The following DLG2 variants were observed in gnomAD, a reference collection of about 807,000 sequenced individuals.
DLG2 encodes disks large homolog 2.
Under a neutral mutation model 132.5 loss-of-function variants are expected in DLG2, and 45 were observed. That is an observed-to-expected ratio of 0.34 (90% CI 0.27 to 0.44). The LOEUF (loss-of-function observed/expected upper bound fraction) is 0.44. Ranked by LOEUF, DLG2 falls within the 20% of genes least tolerant of loss-of-function variation. The pLI, the probability that DLG2 is intolerant of heterozygous loss-of-function variation, is 1.00. For synonymous variants in DLG2, 424 were observed against 419.6 expected (o/e 1.01, Z -0.13); for missense variants, 1,045 against 1,196.9 (o/e 0.87, Z 1.87).
chr11:83,889,909 A>G (rs946987749), intron 15 of DLG2, among the ~76,000 whole-genome samples: 4 of 137,830 alleles, frequency 2.9e-5, no homozygotes, highest in African/African-American at 5.4e-5. Context: ...GAATTGAACA[A>G]TGAGAACACA....
chr11:83,658,857 A>G (rs2073477572), intron 18 of DLG2, among the ~76,000 whole-genome samples: 1 of 152,204 alleles, frequency 6.6e-6, no homozygotes, highest in Admixed American at 6.5e-5. Flanking sequence ...ACTGAATGCC[A>G]TATGTAGCAA....
intron 6 of DLG2, among the ~76,000 whole-genome samples, chr11:85,082,219 A>G (rs1373841021): frequency 6.6e-6 from 1 of 152,222 alleles, no homozygotes; most frequent in East Asian, 1.9e-4. Flanking sequence ...ACAAGAATAC[A>G]GAATTAAGTT....
chr11:84,566,556 A>G (rs1046183454), intron 6 of DLG2, among the ~76,000 whole-genome samples: 7 of 152,176 alleles, frequency 4.6e-5, no homozygotes, highest in Non-Finnish European at 7.3e-5. Flanking sequence ...AAAAAGTTGA[A>G]TATATAGAAG....
Position 84,924,075 on chromosome 11 carries a change from G to T in DLG2, c.357+187586C>A, listed in dbSNP as rs151207072. Among the ~76,000 whole-genome samples the T allele has an allele frequency of 6.8e-3, 1,029 of 151,610 alleles. 8 individuals are homozygous for T. The highest frequency in any genetic ancestry group is 0.014 in the Middle Eastern group (4 of 294). On this transcript the variant is annotated intron_variant, in intron 6 of 27. Transcript: ENST00000376104. The stretch of plus-strand genomic sequence containing the variant: ...GAGAGAGCAAGAGAGAAAAATAAAA[G>T]CTTCTGCCCCTATAAGTCCGTAAGG...
chr11:85,528,704 T>C lies in DLG2; in HGVS notation c.40+69953A>G, dbSNP rs150420966. Among the ~76,000 whole-genome samples, 204 of 152,336 alleles carry C rather than the reference T, an allele frequency of 1.3e-3. 1 individual carries two copies. Among genetic ancestry groups the C allele is most frequent in the African/African-American group, 4.6e-3 (191 of 41,580 alleles). ...AGTAGTTACATGAGTATGTGACCCA[T>C]GCAATTGCACAGGGCCTTGGACTTA... On this transcript the variant is annotated intron_variant, in intron 3 of 27. Transcript: ENST00000376104.
Position 83,619,513 on chromosome 11 carries a change from C to A in DLG2, c.1940+13698G>T, listed in dbSNP as rs180963017. Among the ~76,000 whole-genome samples, 255 of 152,166 alleles carry A rather than the reference C, an allele frequency of 1.7e-3. 3 individuals are homozygous for A. Among genetic ancestry groups the A allele is most frequent in the Admixed American group, 0.015 (231 of 15,276 alleles). ...TGGGTGATAACTTCAGCTATCTAAC[C>A]TTGGTTTCATTAACTGTAAAATGGG... On this transcript the variant is annotated intron_variant, in intron 19 of 27. Coordinates refer to ENST00000376104, the MANE Select transcript of DLG2 (RefSeq NM_001142699.3).
intron 7 of DLG2, among the ~76,000 whole-genome samples, chr11:84,449,499 T>C (rs763798699): frequency 1.3e-5 from 2 of 151,776 alleles, no homozygotes; most frequent in African/African-American, 4.8e-5. Flanking sequence ...GCTAACTAGA[T>C]AGAAAAGGGG....
At chr11:85,587,744 G>A (rs557422708) in intron 3 of DLG2, among the ~76,000 whole-genome samples, 1 of 152,122 alleles carries the variant, frequency 6.6e-6, no homozygotes, top group Non-Finnish European at 1.5e-5. Flanking sequence ...GCTAGCTGTT[G>A]CCTGAACATC....
At chr11:84,903,354 C>T (rs1389317105) in intron 6 of DLG2, among the ~76,000 whole-genome samples, 2 of 152,152 alleles carry the variant, frequency 1.3e-5, no homozygotes, top group African/African-American at 4.8e-5. Flanking sequence ...TATCTCCTAC[C>T]TCCTACTAAT....
intron 18 of DLG2, among the ~76,000 whole-genome samples, chr11:83,777,053 C>T (rs754678829): frequency 1.3e-5 from 2 of 152,156 alleles, no homozygotes; most frequent in African/African-American, 2.4e-5. Flanking sequence ...GTCTATTTTG[C>T]TCACCATTGT....
At chr11:84,945,328 G>A (rs753361058) in intron 6 of DLG2, among the ~76,000 whole-genome samples, 4 of 152,180 alleles carry the variant, frequency 2.6e-5, no homozygotes, top group South Asian at 4.1e-4. Flanking sequence ...GTAACACCGT[G>A]GTGTTCTTGA....
chr11:84,155,910 T>A (rs770846270), intron 9 of DLG2, among the ~76,000 whole-genome samples: 2 of 152,178 alleles, frequency 1.3e-5, no homozygotes, highest in Admixed American at 1.3e-4. Context: ...AATTTTAGGA[T>A]AAAAATGACA....
intron 6 of DLG2, among the ~76,000 whole-genome samples, chr11:84,948,730 A>G (rs923556914): frequency 6.6e-5 from 10 of 152,222 alleles, no homozygotes; most frequent in African/African-American, 2.2e-4. Context: ...TGACAGGTAC[A>G]AAATACATAT....
intron 19 of DLG2, among the ~76,000 whole-genome samples, chr11:83,622,437 CACA>C (rs2061784522): frequency 6.6e-6 from 1 of 152,154 alleles, no homozygotes; most frequent in South Asian, 2.1e-4. Context: ...CTGTAATGAT[CACA>C]ACTCATTAGG....
intron 6 of DLG2, among the ~76,000 whole-genome samples, chr11:85,025,383 A>T (rs2060429443): frequency 6.6e-6 from 1 of 152,194 alleles, no homozygotes; most frequent in African/African-American, 2.4e-5. Context: ...ACTTTCCTCG[A>T]TGAAATGTTA....
At chr11:84,737,941 G>A (rs1203844141) in intron 6 of DLG2, among the ~76,000 whole-genome samples, 2 of 152,068 alleles carry the variant, frequency 1.3e-5, no homozygotes, top group Non-Finnish European at 2.9e-5. Context: ...GTGTATACGT[G>A]TGGGATGGAG....
chr11:83,932,172 C>A (rs79854715), intron 14 of DLG2, among the ~76,000 whole-genome samples: 6,171 of 151,474 alleles, frequency 0.041, 445 homozygotes, highest in African/African-American at 0.14. Flanking sequence ...AATCAAACAA[C>A]AACATTAAAA....
At chr11:84,591,791 T>A (rs2099543976) in intron 6 of DLG2, among the ~76,000 whole-genome samples, 1 of 152,200 alleles carries the variant, frequency 6.6e-6, no homozygotes, top group Admixed American at 6.5e-5. Context: ...ATACCCAGTT[T>A]GCATCCGCAA....
intron 4 of DLG2, among the ~76,000 whole-genome samples, chr11:85,202,143 A>AT (rs2081513199): frequency 6.7e-6 from 1 of 149,458 alleles, no homozygotes; most frequent in Admixed American, 6.7e-5. Context: ...TAAAAAGCTT[A>AT]TTAAAAAAAA....
Sources: gnomAD v4.1 joint callset for allele counts (sites outside exome capture counted in the v4.1 genomes callset) on GRCh38, gnomAD v4.1.1 for gene constraint, MANE v1.5 for transcripts, NCBI Gene and HGNC (gene_info 2026-07-23, HGNC 2026-07-21) for gene names.